LRRC4C: variants seen among roughly 807,000 people sequenced by gnomAD.
The protein encoded by LRRC4C is leucine rich repeat containing 4C.
LRRC4C carries 5 observed loss-of-function variants against 33.6 expected under a neutral mutation model. That is an observed-to-expected ratio of 0.15 (90% CI 0.08 to 0.31). The LOEUF is 0.31. LRRC4C is among the 10% of genes least tolerant of loss of function. The pLI, the probability that LRRC4C is intolerant of heterozygous loss-of-function variation, is 1.00. For missense variants in LRRC4C, 560 were observed against 796.7 expected, an observed-to-expected ratio of 0.70 and a Z score of 3.58; for synonymous variants, 329 against 302.0, an observed-to-expected ratio of 1.09 and a Z score of -0.93.
At chr11:40,291,849 G>A (rs952344465) in intron 4 of LRRC4C, among the ~76,000 whole-genome samples, 1 of 151,976 alleles carries the variant, frequency 6.6e-6, no homozygotes, top group African/African-American at 2.4e-5. Flanking sequence ...CTAACTCCGG[G>A]GCTGACAAAC....
At chr11:40,894,936 G>A (rs2136137331) in intron 2 of LRRC4C, among the ~76,000 whole-genome samples, 1 of 152,146 alleles carries the variant, frequency 6.6e-6, no homozygotes, top group South Asian at 2.1e-4. Context: ...TAAGCTCCAT[G>A]AATGTAGCTA....
At chr11:40,665,718 A>G (rs933302674) in intron 2 of LRRC4C, among the ~76,000 whole-genome samples, 3 of 152,064 alleles carry the variant, frequency 2.0e-5, no homozygotes, top group Non-Finnish European at 4.4e-5. Flanking sequence ...ATTTAACAAT[A>G]TCAGGAAAAT....
intron 6 of LRRC4C, among the ~76,000 whole-genome samples, chr11:40,126,608 A>T (rs1856245527): frequency 6.6e-6 from 1 of 152,228 alleles, no homozygotes; most frequent in Non-Finnish European, 1.5e-5. Context: ...CAATATTTAC[A>T]TGCCATAAAG....
intron 3 of LRRC4C, among the ~76,000 whole-genome samples, chr11:40,441,217 C>G (rs908783404): frequency 3.3e-5 from 5 of 152,106 alleles, no homozygotes; most frequent in African/African-American, 1.2e-4. Flanking sequence ...ACACAAGGCT[C>G]CTGTTGGGTC....
intron 3 of LRRC4C, among the ~76,000 whole-genome samples, chr11:40,543,303 C>T (rs1956795373): frequency 6.6e-6 from 1 of 152,042 alleles, no homozygotes; most frequent in African/African-American, 2.4e-5. Context: ...AAGGCTAGCA[C>T]TGTAAAGGCC....
chr11:40,824,931 G>A (rs768768722), intron 2 of LRRC4C, among the ~76,000 whole-genome samples: 1 of 151,830 alleles, frequency 6.6e-6, no homozygotes, highest in Admixed American at 6.6e-5. Context: ...TGCCACAGCT[G>A]GTCACTGCTC....
chr11:40,334,376 G>C (rs780630726), intron 3 of LRRC4C, among the ~76,000 whole-genome samples: 5 of 151,804 alleles, frequency 3.3e-5, no homozygotes, highest in African/African-American at 7.3e-5. Context: ...GAGGCCAGTA[G>C]GCTAGAGTTT....
At chr11:40,823,787 T>A (rs989709356) in intron 2 of LRRC4C, among the ~76,000 whole-genome samples, 4 of 151,810 alleles carry the variant, frequency 2.6e-5, no homozygotes, top group Non-Finnish European at 5.9e-5. Context: ...AGTTATAGTG[T>A]TAAACATAAA....
intron 2 of LRRC4C, among the ~76,000 whole-genome samples, chr11:40,888,726 T>C (rs1718074424): frequency 6.6e-6 from 1 of 151,988 alleles, no homozygotes; most frequent in Admixed American, 6.6e-5. Context: ...TAGAGCATGA[T>C]ATGGTAACTG....
At chr11:41,243,760 T>C (rs1217202056) in intron 1 of LRRC4C, among the ~76,000 whole-genome samples, 1 of 152,084 alleles carries the variant, frequency 6.6e-6, no homozygotes, top group Non-Finnish European at 1.5e-5. Context: ...CTGAAAGAAT[T>C]TGGAGAGCTG....
chr11:41,440,750 C>A (rs951836555), intron 1 of LRRC4C, among the ~76,000 whole-genome samples: 2 of 152,110 alleles, frequency 1.3e-5, no homozygotes, highest in Non-Finnish European at 2.9e-5. Flanking sequence ...TGAGTGAGTT[C>A]TCACGAGATC....
intron 3 of LRRC4C, among the ~76,000 whole-genome samples, chr11:40,336,396 C>T (rs913256902): frequency 1.3e-5 from 2 of 152,096 alleles, no homozygotes; most frequent in South Asian, 2.1e-4. Context: ...TCTTCCCTTG[C>T]CTGCTTGCTA....
At chr11:40,359,217 TGTGG>T in intron 3 of LRRC4C, among the ~76,000 whole-genome samples, 1 of 152,218 alleles carries the variant, frequency 6.6e-6, no homozygotes. Flanking sequence ...GATACCAGTA[TGTGG>T]CCTTCATTAG....
At chr11:40,233,565 A>T (rs906077282) in intron 5 of LRRC4C, among the ~76,000 whole-genome samples, 6 of 152,292 alleles carry the variant, frequency 3.9e-5, no homozygotes, top group Non-Finnish European at 5.9e-5. Context: ...GTATTTTTTT[A>T]AAAAAGACAA....
chr11:40,369,534 C>G (rs1293768312), intron 3 of LRRC4C, among the ~76,000 whole-genome samples: 1 of 152,184 alleles, frequency 6.6e-6, no homozygotes. Context: ...GATGGGGTTT[C>G]TTCATCTTGG....
chr11:41,212,250 C>A (rs971294524), intron 1 of LRRC4C, among the ~76,000 whole-genome samples: 2 of 152,028 alleles, frequency 1.3e-5, no homozygotes, highest in Non-Finnish European at 2.9e-5. Flanking sequence ...TTTGAAAATA[C>A]GTGTAAAGAA....
chr11:40,995,259 T>A (rs1006536736), intron 1 of LRRC4C, among the ~76,000 whole-genome samples: 1 of 152,092 alleles, frequency 6.6e-6, no homozygotes, highest in Non-Finnish European at 1.5e-5. Context: ...TGGGTCTTTG[T>A]GTCTGCAGAG....
chr11:40,355,138 G>T (rs956291119), intron 3 of LRRC4C, among the ~76,000 whole-genome samples: 1 of 152,132 alleles, frequency 6.6e-6, no homozygotes, highest in African/African-American at 2.4e-5. Flanking sequence ...GGAAGGAGGG[G>T]TCTGAGGGCT....
At chr11:40,323,550 A>G (rs187163319) in intron 3 of LRRC4C, among the ~76,000 whole-genome samples, 146 of 152,306 alleles carry the variant, frequency 9.6e-4, no homozygotes, top group African/African-American at 3.4e-3. Context: ...TCACCAGGGA[A>G]TAATGTTGGC....
Sources: allele counts gnomAD v4.1 joint callset (sites outside exome capture counted in the v4.1 genomes callset), GRCh38; gene constraint gnomAD v4.1.1; transcripts MANE v1.5; gene names NCBI Gene and HGNC (gene_info 2026-07-23, HGNC 2026-07-21).